PMEL: variants seen among roughly 807,000 people sequenced by gnomAD.
PMEL encodes the protein premelanosome protein.
A neutral mutation model predicts 64.9 loss-of-function variants in PMEL; 53 were observed. The observed-to-expected ratio is 0.82, with a 90% CI of 0.66 to 1.03. The LOEUF (loss-of-function observed/expected upper bound fraction) is 1.03, where lower values mean the gene tolerates loss of function less well. Ranked by LOEUF, PMEL falls within the 50% of genes least tolerant of loss-of-function variation. The probability of loss-of-function intolerance (pLI) is 0.00; values close to 1 mark genes in which losing one functional copy is unlikely to be tolerated. For missense variants in PMEL, 716 were observed against 814.9 expected, an observed-to-expected ratio of 0.88 and a Z score of 1.48; for synonymous variants, 299 against 316.2, an observed-to-expected ratio of 0.95 and a Z score of 0.58.
intron 1 of PMEL, among the ~76,000 whole-genome samples, chr12:55,964,614 T>C (rs987897434): frequency 6.6e-6 from 1 of 151,880 alleles, no homozygotes; most frequent in Non-Finnish European, 1.5e-5. Flanking sequence ...CCTCCTTATC[T>C]CTTTTCTTTT....
chr12:55,962,602 T>C (rs1213587039), intron 1 of PMEL, among the ~76,000 whole-genome samples: 1 of 139,420 alleles, frequency 7.2e-6, no homozygotes, highest in South Asian at 2.7e-4. Flanking sequence ...TGGCTCACTA[T>C]AGCCTCCGCT....
At chr12:55,956,823 G>A in intron 6 of PMEL, 126 bp downstream of exon 6, 1 of 1,018,708 alleles carries the variant, frequency 9.8e-7, no homozygotes, top group Admixed American at 2.3e-5. Context: ...AGCCAGGCCA[G>A]TGAGAACTCT....
intron 3 of PMEL, among the ~76,000 whole-genome samples, chr12:55,960,080 T>C (rs1454961641): frequency 1.3e-5 from 2 of 150,742 alleles, no homozygotes; most frequent in East Asian, 4.0e-4. Context: ...TATCAGCTAC[T>C]CGGGAGGCTA....
At chr12:55,966,681 G>C, upstream of PMEL, 1 of 1,090,600 alleles carries the variant, frequency 9.2e-7, no homozygotes, top group Non-Finnish European at 1.1e-6. Flanking sequence ...AACTTGCCTG[G>C]GGCGGGATCA....
At chr12:55,958,264 T>G (rs1888973560) in intron 4 of PMEL, 180 bp from the exon 5 acceptor site, 2 of 769,120 alleles carry the variant, frequency 2.6e-6, no homozygotes, top group Non-Finnish European at 4.1e-6. Flanking sequence ...TTCCATGGGG[T>G]AGGACTACAA....
intron 1 of PMEL, among the ~76,000 whole-genome samples, chr12:55,963,218 G>A (rs1889172307): frequency 1.3e-5 from 2 of 152,108 alleles, no homozygotes; most frequent in East Asian, 3.9e-4. Flanking sequence ...AGATCACGAT[G>A]GCAAGCAGTG....
rs1329708391 is a variant in PMEL at position 55,957,531 on chromosome 12, A to G, written c.772T>C (p.Tyr258His). 1 of 1,613,850 alleles carries G rather than the reference A, an allele frequency of 6.2e-7. No individual in the cohort carries two copies. The highest frequency in any genetic ancestry group is 1.1e-5 in the South Asian group (1 of 91,024). The change falls in exon 6 of 11, where the codon TAC (tyrosine) becomes CAC (histidine). Residue 258 changes from tyrosine (Y) to histidine (H), a missense_variant. Physicochemically the swap from Tyr to His is moderately conservative, Grantham distance 83 (BLOSUM62 2). Transcript: ENST00000548747. ...CTACTGTCTCCAAAGTCCCAGGTGT[A>G]GGAGAGGTCAGCTTCAGCCAGATAG... is the stretch of plus-strand genomic sequence containing the variant. ...SGYLAEADLS[Y>H]TWDFGDSSGT...
intron 1 of PMEL, among the ~76,000 whole-genome samples, chr12:55,963,309 TGA>T (rs1322042699): frequency 6.6e-6 from 1 of 152,186 alleles, no homozygotes; most frequent in Non-Finnish European, 1.5e-5. Flanking sequence ...AAGAGAGGTC[TGA>T]GAAGAAAAGG....
chr12:55,965,831 A>G, intron 1 of PMEL, 105 bp downstream of exon 1: 1 of 1,361,298 alleles, frequency 7.3e-7, no homozygotes, highest in Non-Finnish European at 1.0e-6. Context: ...TGAGTGGGAG[A>G]CGCCTGAAAT....
At chr12:55,955,034 C>A (rs924590998) in intron 10 of PMEL, among the ~76,000 whole-genome samples, 1 of 152,222 alleles carries the variant, frequency 6.6e-6, no homozygotes, top group East Asian at 1.9e-4. Context: ...CTAATCTTTA[C>A]AACAGCCCCA....
Position 55,956,930 on chromosome 12 carries a change from T to G in PMEL, c.1354+19A>C. The G allele has an allele frequency of 6.2e-7, 1 of 1,610,582 alleles. No individual in the cohort carries two copies. The highest frequency in any genetic ancestry group is 8.5e-7 in the Non-Finnish European group (1 of 1,177,644). ...GGGTACCCCACCTCCGTGAACCTCA[T>G]TCGCACTGATACTCTTACCTGTAAT... On this transcript the variant is annotated intron_variant, in intron 6 of 10. Transcript: ENST00000548747.
At position 55,958,624 on chromosome 12, in the gene PMEL, G is replaced by A. The variant is rs562029456; in HGVS notation, c.335-17C>T. ...CCTGGCTCCCTGAAAGATAAATACA[G>A]AGTCACTCTCAAACCCTGGCATTCT... On this transcript the variant is annotated splice_polypyrimidine_tract_variant and intron_variant, in intron 3 of 10. Transcript: ENST00000548747. 2 of 1,610,744 alleles carry A rather than the reference G, an allele frequency of 1.2e-6. No individual in the cohort carries two copies. The highest frequency in any genetic ancestry group is 1.7e-6 in the Non-Finnish European group (2 of 1,178,634).
At chr12:55,961,183 C>A (rs1386901869) in intron 3 of PMEL, 134 bp downstream of exon 3, 6 of 775,610 alleles carry the variant, frequency 7.7e-6, no homozygotes, top group South Asian at 1.8e-5. Context: ...CCAGCCTGGG[C>A]GACAGAGCGA....
rs933764223 is a variant in PMEL at position 55,957,868 on chromosome 12, G to A, written c.631+55C>T. 4 of 1,598,322 alleles carry A rather than the reference G, an allele frequency of 2.5e-6. No individual in the cohort carries two copies. The African/African-American group carries it at 5.4e-5, about 21-fold the overall frequency. ...CCTTTCTCCTTTCCAGTCCATCCAAGCCTCCCTGCCTTCTCTTGCCCTACA... is the reference window on the plus strand; with the variant it reads ...CCTTTCTCCTTTCCAGTCCATCCAAACCTCCCTGCCTTCTCTTGCCCTACA... On this transcript the variant is annotated intron_variant, in intron 5 of 10. Coordinates refer to ENST00000548747, the MANE Select transcript of PMEL (RefSeq NM_001384361.1).
rs17118152 is a variant in PMEL at position 55,956,932 on chromosome 12, C to A, written c.1354+17G>T. 1.9e-6 allele frequency: 3 copies of A among 1,610,454 alleles called. No individual in the cohort carries two copies. The highest frequency in any genetic ancestry group is 2.2e-5 in the East Asian group (1 of 44,858). ...GTACCCCACCTCCGTGAACCTCATTCGCACTGATACTCTTACCTGTAATAC... is the reference window on the plus strand; with the variant it reads ...GTACCCCACCTCCGTGAACCTCATTAGCACTGATACTCTTACCTGTAATAC... On this transcript the variant is annotated intron_variant, in intron 6 of 10. Transcript: ENST00000548747.
intron 7 of PMEL, 102 bp downstream of exon 7, chr12:55,956,001 T>C: frequency 9.1e-7 from 1 of 1,103,278 alleles, no homozygotes; most frequent in Non-Finnish European, 1.4e-6. Flanking sequence ...TTGGGTATTC[T>C]TCCTATCTAG....
In PMEL at chr12:55,954,440, G is replaced by C. The variant is rs146387352; in HGVS notation, c.1851-91C>G. The C allele has an allele frequency of 1.8e-3, 2,460 of 1,366,566 alleles. 4 individuals are homozygous for C. The highest frequency in any genetic ancestry group is 0.012 in the Middle Eastern group (50 of 4,290). The allele number at this position is 1,366,566 out of a possible 1,614,324, so 84.7% of individuals were successfully genotyped here. A position where few individuals can be genotyped will look rare whatever the true frequency, so the allele number is the denominator to read the frequency against. On this transcript the variant is annotated intron_variant, in intron 10 of 10. Transcript: ENST00000548747. ...AAGAAGGGAACACACCCATATCCCAGTCTGCTTAGCCTTGATCCTAGCTTC... is the reference window on the plus strand; with the variant it reads ...AAGAAGGGAACACACCCATATCCCACTCTGCTTAGCCTTGATCCTAGCTTC...
chr12:55,961,063 G>T (rs377392453), intron 3 of PMEL: 1 of 368,626 alleles, frequency 2.7e-6, no homozygotes, highest in African/African-American at 2.1e-5. Context: ...AAATTAGCCG[G>T]TCATGGTGGC....
chr12:55,956,920 G>A lies in PMEL; in HGVS notation c.1354+29C>T, dbSNP rs757407249. 104 of 1,603,598 alleles carry A rather than the reference G, an allele frequency of 6.5e-5. No individual in the cohort carries two copies. In the East Asian group the frequency reaches 2.1e-3, roughly 33 times the overall value. The stretch of plus-strand genomic sequence containing the variant: ...GAGTAGAGTAGGGTACCCCACCTCC[G>A]TGAACCTCATTCGCACTGATACTCT... On this transcript the variant is annotated intron_variant, in intron 6 of 10. Coordinates refer to ENST00000548747, the MANE Select transcript of PMEL (RefSeq NM_001384361.1).
Sources: allele counts gnomAD v4.1 joint callset (sites outside exome capture counted in the v4.1 genomes callset), GRCh38; gene constraint gnomAD v4.1.1; transcripts MANE v1.5; gene names NCBI Gene and HGNC (gene_info 2026-07-23, HGNC 2026-07-21).